BSDC1: variants seen among roughly 807,000 people sequenced by gnomAD.
BSDC1 encodes BSD domain-containing protein 1.
In BSDC1, 29 loss-of-function variants were observed where a neutral mutation model predicts 56.0. The observed-to-expected ratio is 0.52, with a 90% CI of 0.39 to 0.71. The LOEUF (loss-of-function observed/expected upper bound fraction) is 0.71. Among genes scored for constraint, BSDC1 ranks in the 30% least tolerant of loss-of-function variants. The pLI is 0.00. For synonymous variants in BSDC1, 210 were observed against 215.3 expected (o/e 0.98, Z 0.21); for missense variants, 477 against 548.5 (o/e 0.87, Z 1.30).
chr1:32,394,325 C>T, intron 1 of BSDC1, 79 bp downstream of exon 1: 1 of 1,608,590 alleles, frequency 6.2e-7, no homozygotes, highest in African/African-American at 1.3e-5. Flanking sequence ...TCTCACGTTC[C>T]CCACCGGGAC....
intron 9 of BSDC1, among the ~76,000 whole-genome samples, chr1:32,370,009 G>A (rs945420575): frequency 1.3e-5 from 2 of 152,074 alleles, no homozygotes; most frequent in Non-Finnish European, 2.9e-5. Context: ...ACGGAGTCTC[G>A]CTCTGTTGCC....
chr1:32,385,480 A>T (rs1331120321), intron 3 of BSDC1, among the ~76,000 whole-genome samples: 1 of 152,198 alleles, frequency 6.6e-6, no homozygotes, highest in Non-Finnish European at 1.5e-5. Flanking sequence ...TAATCCCAGC[A>T]CTTTGGGAGG....
intron 2 of BSDC1, chr1:32,393,589 G>A (rs980127132): frequency 6.5e-6 from 1 of 154,724 alleles, no homozygotes; most frequent in African/African-American, 2.4e-5. Context: ...TTGGCTACTC[G>A]GTTAATGGCT....
chr1:32,379,325 T>C (rs954199592), intron 5 of BSDC1, among the ~76,000 whole-genome samples: 15 of 152,168 alleles, frequency 9.9e-5, no homozygotes, highest in East Asian at 7.7e-4. Context: ...CATATCTCTC[T>C]GGCTTTTTAT....
At chr1:32,372,602 G>A (rs1642132450) in intron 9 of BSDC1, among the ~76,000 whole-genome samples, 1 of 152,152 alleles carries the variant, frequency 6.6e-6, no homozygotes, top group Admixed American at 6.5e-5. Flanking sequence ...TCTGCCATCT[G>A]CCTCCTTCCA....
chr1:32,376,574 T>C lies in BSDC1; in HGVS notation c.844A>G (p.Ser282Gly), dbSNP rs772648029. 2.0e-6 allele frequency: 3 copies of C among 1,521,418 alleles called. No individual in the cohort carries two copies. The South Asian group carries it at 3.9e-5, about 20-fold the overall frequency. The allele number at this position is 1,521,418 out of a possible 1,614,324, so 94.2% of individuals were successfully genotyped here. A position where few individuals can be genotyped will look rare whatever the true frequency, so the allele number is the denominator to read the frequency against. Residue 282 changes from serine (S) to glycine (G), a missense_variant, in exon 9 of 11, where the codon AGC becomes GGC. By Grantham distance (56) the Ser-to-Gly change is moderately conservative (BLOSUM62 0). Coordinates refer to ENST00000455895, the MANE Select transcript of BSDC1 (RefSeq NM_018045.8). Reference protein sequence around the residue: ...AEVTPSESSESISLVTQIANP... With the variant: ...AEVTPSESSEGISLVTQIANP... Reference sequence around the variant, plus strand: ...GCGATCTGTGTCACGAGGGAGATGCTCTCACTGCTCTCTGATGGAGTCACC... The same window carrying C: ...GCGATCTGTGTCACGAGGGAGATGCCCTCACTGCTCTCTGATGGAGTCACC...
intron 2 of BSDC1, among the ~76,000 whole-genome samples, chr1:32,392,373 A>G (rs1642897352): frequency 6.6e-6 from 1 of 152,158 alleles, no homozygotes; most frequent in Admixed American, 6.5e-5. Flanking sequence ...CCAAGTACAT[A>G]TAAGAGTAAG....
At position 32,378,205 on chromosome 1, in the gene BSDC1, A is replaced by G; in HGVS notation, c.597+10T>C. The G allele has an allele frequency of 6.2e-7, 1 of 1,614,052 alleles. No individual in the cohort carries two copies. Among genetic ancestry groups the G allele is most frequent in the Non-Finnish European group, 8.5e-7 (1 of 1,179,888 alleles). ...TTGAGTGGGGACCTCCCCATGCTAGACCAGCATACCTGCTCTAACTGATGG... is the reference window on the plus strand; with the variant it reads ...TTGAGTGGGGACCTCCCCATGCTAGGCCAGCATACCTGCTCTAACTGATGG... On this transcript the variant is annotated intron_variant, in intron 7 of 10. Coordinates refer to ENST00000455895, the MANE Select transcript of BSDC1 (RefSeq NM_018045.8). The surrounding 1 kb of genome is among the most constrained non-coding windows in gnomAD (Gnocchi z 5.2).
intron 10 of BSDC1, chr1:32,368,048 C>CA: frequency 1.2e-6 from 1 of 856,502 alleles, no homozygotes; most frequent in East Asian, 8.9e-5. Context: ...TTTTTTTTTT[C>CA]AAAAACAGAA....
chr1:32,374,957 C>T (rs961239729), intron 9 of BSDC1, among the ~76,000 whole-genome samples: 1 of 152,110 alleles, frequency 6.6e-6, no homozygotes, highest in Non-Finnish European at 1.5e-5. Flanking sequence ...TCGAGACCAT[C>T]CTGGCTAACA....
At chr1:32,386,045 C>T (rs192314387) in intron 3 of BSDC1, among the ~76,000 whole-genome samples, 37 of 152,116 alleles carry the variant, frequency 2.4e-4, no homozygotes, top group East Asian at 5.8e-4. Flanking sequence ...AAGGGCTGGG[C>T]GCGGTGGCTC....
rs142951865 is a variant in BSDC1 at position 32,381,246 on chromosome 1, G to A, written c.380C>T (p.Ser127Leu). Residue 127 changes from serine (S) to leucine (L), a missense_variant, in exon 5 of 11, where the codon TCG becomes TTG. By Grantham distance (145) the Ser-to-Leu change is moderately radical. Coordinates refer to ENST00000455895, the MANE Select transcript of BSDC1 (RefSeq NM_018045.8). ...GTKARLYSLQ[S>L]DPATYCNEPD... is the part of the protein sequence containing the mutation. ...TTCATTACAGTAGGTTGCTGGGTCC[G>A]ACTGCAGGCTATAGAGGCGAGCCTG... is the stretch of plus-strand genomic sequence containing the variant. The A allele has an allele frequency of 9.1e-4, 1,471 of 1,613,714 alleles. 3 individuals are homozygous for A. The highest frequency in any genetic ancestry group is 1.5e-3 in the Admixed American group (91 of 59,980).
Position 32,378,650 on chromosome 1 carries a change from T to C in BSDC1, c.528+74A>G, listed in dbSNP as rs1252018420. 7.5e-6 allele frequency: 8 copies of C among 1,066,288 alleles called. No homozygotes were observed. The highest frequency in any genetic ancestry group is 1.1e-5 in the Non-Finnish European group (8 of 758,132). The allele number at this position is 1,066,288 out of a possible 1,614,324, so 66.1% of individuals were successfully genotyped here. A position where few individuals can be genotyped will look rare whatever the true frequency, so the allele number is the denominator to read the frequency against. ...CCGGGCCAGATGACTCTGCAGTGAC[T>C]CTGAACATGTCCCTCCCACCTCCCA... On this transcript the variant is annotated intron_variant, in intron 6 of 10. Coordinates refer to ENST00000455895, the MANE Select transcript of BSDC1 (RefSeq NM_018045.8). The surrounding 1 kb of genome is among the most constrained non-coding windows in gnomAD (Gnocchi z 5.2).
rs1641827328 is a variant in BSDC1 at position 32,365,811 on chromosome 1, G to C, written c.*811C>G. The C allele has an allele frequency of 6.5e-6, 1 of 152,804 alleles. No individual in the cohort carries two copies. 9.5% of individuals were successfully genotyped at this position (152,804 alleles called of 1,614,324 possible). A position where few individuals can be genotyped will look rare whatever the true frequency, so the allele number is the denominator to read the frequency against. On this transcript the variant is annotated 3_prime_UTR_variant, in exon 11 of 11. Transcript: ENST00000455895. ...ACAGGGGAGTTGAGGTGGGTAGCTG[G>C]TTGGACAAGGTATCCTGCCAGGCAA...
rs758636700 is a variant in BSDC1 at position 32,376,550 on chromosome 1, C to T, written c.868G>A (p.Ala290Thr). 43 of 1,550,294 alleles carry T rather than the reference C, an allele frequency of 2.8e-5. No homozygotes were observed. Among genetic ancestry groups the T allele is most frequent in the Non-Finnish European group, 3.6e-5 (41 of 1,139,452 alleles). Residue 290 changes from alanine (A) to threonine (T), a missense_variant, in exon 9 of 11, where the codon GCC becomes ACC. By Grantham distance (58) the Ala-to-Thr change is moderately conservative. Transcript: ENST00000455895. The part of the protein sequence containing the change: ...SESISLVTQI[A>T]NPATAPEARV... ...GCCTCAGGTGCAGTGGCCGGGTTGG[C>T]GATCTGTGTCACGAGGGAGATGCTC...
intron 3 of BSDC1, among the ~76,000 whole-genome samples, chr1:32,386,051 G>A (rs1305098275): frequency 1.3e-5 from 2 of 152,176 alleles, no homozygotes; most frequent in Non-Finnish European, 2.9e-5. Context: ...TGGGCGCGGT[G>A]GCTCACGCCT....
At chr1:32,392,632 C>T (rs1291632456) in intron 2 of BSDC1, among the ~76,000 whole-genome samples, 3 of 152,192 alleles carry the variant, frequency 2.0e-5, no homozygotes, top group Non-Finnish European at 1.5e-5. Context: ...ATGCTACTAT[C>T]GGGTCTCTTC....
intron 8 of BSDC1, among the ~76,000 whole-genome samples, chr1:32,377,422 T>TA (rs1642330780): frequency 1.3e-5 from 2 of 151,972 alleles, no homozygotes; most frequent in African/African-American, 4.8e-5. Flanking sequence ...TTAAGAGGGG[T>TA]AATGGGGTTG....
chr1:32,366,940 C>A, intron 10 of BSDC1: 2 of 1,180,836 alleles, frequency 1.7e-6, no homozygotes, highest in Non-Finnish European at 2.1e-6. Context: ...CTACAGGAAC[C>A]AAGTCAGCCT....
Sources: gnomAD v4.1 joint callset for allele counts (sites outside exome capture counted in the v4.1 genomes callset) on GRCh38, gnomAD v4.1.1 for gene constraint, Gnocchi (gnomAD v3.1) non-coding constraint, MANE v1.5 for transcripts, NCBI Gene and HGNC (gene_info 2026-07-23, HGNC 2026-07-21) for gene names.